TMEM33: variants seen among roughly 807,000 people sequenced by gnomAD.
The protein encoded by TMEM33 is transmembrane protein 33.
A neutral mutation model predicts 29.7 loss-of-function variants in TMEM33; 16 were observed. The observed-to-expected ratio is 0.54, with a 90% CI of 0.36 to 0.82. The LOEUF (loss-of-function observed/expected upper bound fraction) is 0.82. Among genes scored for constraint, TMEM33 ranks in the 40% least tolerant of loss-of-function variants. TMEM33 has a pLI of 0.00. For synonymous variants in TMEM33, 112 were observed against 109.4 expected (o/e 1.02, Z -0.15); for missense variants, 252 against 295.3 (o/e 0.85, Z 1.08).
At chr4:41,950,645 C>T (rs1170551269) in intron 6 of TMEM33, among the ~76,000 whole-genome samples, 3 of 151,978 alleles carry the variant, frequency 2.0e-5, no homozygotes, top group Admixed American at 6.6e-5. Flanking sequence ...TTTAGACATT[C>T]GTTCTTAGTG....
intron 6 of TMEM33, among the ~76,000 whole-genome samples, chr4:41,949,803 A>T (rs972280028): frequency 4.6e-5 from 7 of 152,174 alleles, no homozygotes; most frequent in African/African-American, 1.4e-4. Context: ...GGGAGAGATC[A>T]TTGGGCCAGA....
intron 6 of TMEM33, 76 bp downstream of exon 6, chr4:41,949,461 A>T: frequency 3.3e-6 from 4 of 1,203,082 alleles, no homozygotes; most frequent in Non-Finnish European, 4.7e-6. Context: ...AATTCTTAAG[A>T]GTTACTTAGC....
At chr4:41,935,320 ACCCTTCC>A, upstream of TMEM33, 4 of 759,610 alleles carry the variant, frequency 5.3e-6, no homozygotes, top group Non-Finnish European at 9.1e-6. Flanking sequence ...GGCGAGCGAG[ACCCTTCC>A]CTGGTGGAGG....
intron 2 of TMEM33, 55 bp from the exon 3 acceptor site, chr4:41,939,141 A>G (rs1018799695): frequency 1.4e-4 from 201 of 1,486,454 alleles, no homozygotes; most frequent in Non-Finnish European, 1.7e-4. Flanking sequence ...CAAAGGAGGA[A>G]GAGACACTGC....
intron 6 of TMEM33, among the ~76,000 whole-genome samples, chr4:41,952,895 TA>T (rs2153127974): frequency 6.6e-6 from 1 of 152,256 alleles, no homozygotes; most frequent in East Asian, 1.9e-4. Flanking sequence ...AGTGGGTGAA[TA>T]AATATAACTG....
intron 5 of TMEM33, among the ~76,000 whole-genome samples, 160 bp downstream of exon 5, chr4:41,945,086 A>G (rs547317211): frequency 1.3e-5 from 2 of 152,308 alleles, no homozygotes; most frequent in Non-Finnish European, 2.9e-5. Flanking sequence ...CATTTATAGT[A>G]GAGAACTTGA....
At chr4:41,947,889 C>T (rs1413636031) in intron 5 of TMEM33, among the ~76,000 whole-genome samples, 1 of 152,158 alleles carries the variant, frequency 6.6e-6, no homozygotes, top group Non-Finnish European at 1.5e-5. Context: ...TGTGCAAAGA[C>T]AGGTAAAAGG....
intron 5 of TMEM33, among the ~76,000 whole-genome samples, chr4:41,947,277 A>G (rs964777168): frequency 1.3e-5 from 2 of 151,496 alleles, no homozygotes; most frequent in South Asian, 4.2e-4. Flanking sequence ...GTTTTTTTGT[A>G]TGGGTATAAT....
At chr4:41,951,238 T>C (rs893335043) in intron 6 of TMEM33, among the ~76,000 whole-genome samples, 1 of 152,132 alleles carries the variant, frequency 6.6e-6, no homozygotes, top group East Asian at 1.9e-4. Flanking sequence ...TAAATAAAAT[T>C]CATAAAACTT....
chr4:41,945,679 A>G (rs1019306565), intron 5 of TMEM33, among the ~76,000 whole-genome samples: 2 of 152,060 alleles, frequency 1.3e-5, no homozygotes, highest in Non-Finnish European at 2.9e-5. Context: ...TACATCAAAG[A>G]TGTTATTCTG....
intron 6 of TMEM33, among the ~76,000 whole-genome samples, chr4:41,950,073 G>A (rs1408906202): frequency 6.6e-6 from 1 of 152,170 alleles, no homozygotes; most frequent in East Asian, 1.9e-4. Context: ...TATCTTTTAG[G>A]TGAATGGGAA....
rs150285681 is a variant in TMEM33, at chr4:41,954,081, A to G, written c.626A>G (p.Asn209Ser). The G allele has an allele frequency of 3.7e-6, 6 of 1,613,652 alleles. No individual in the cohort carries two copies. The South Asian group carries it at 4.4e-5, about 12-fold the overall frequency. Residue 209 changes from asparagine (N) to serine (S), a missense_variant, in exon 7 of 7, where the codon AAT becomes AGT. Coordinates refer to ENST00000504986, the MANE Select transcript of TMEM33 (RefSeq NM_018126.3). Reference sequence around the variant, plus strand: ...ATTTTGTCTTGCAGGACCTTATTTAATGAACTGAGGATTGTTGTTGAACAC... The same window carrying G: ...ATTTTGTCTTGCAGGACCTTATTTAGTGAACTGAGGATTGTTGTTGAACAC... ...RRNPYCRTLF[N>S]ELRIVVEHII... is the part of the protein sequence containing the mutation.
At chr4:41,937,973 C>T (rs990809271) in intron 1 of TMEM33, among the ~76,000 whole-genome samples, 1 of 152,058 alleles carries the variant, frequency 6.6e-6, no homozygotes, top group Admixed American at 6.6e-5. Flanking sequence ...AGGCAGGTGG[C>T]CATTTAATAC....
intron 4 of TMEM33, 26 bp downstream of exon 4, chr4:41,943,840 C>T: frequency 6.2e-7 from 1 of 1,600,756 alleles, no homozygotes. Flanking sequence ...CTTTGTCTGA[C>T]TTCTGAATTA....
chr4:41,942,902 G>A (rs1454192711), intron 3 of TMEM33, among the ~76,000 whole-genome samples: 2 of 152,164 alleles, frequency 1.3e-5, no homozygotes, highest in Admixed American at 6.5e-5. Context: ...GTGACAACTT[G>A]TTAGGTATAG....
chr4:41,944,103 TTTG>T (rs1450623219), intron 4 of TMEM33: 9 of 347,858 alleles, frequency 2.6e-5, no homozygotes, highest in Non-Finnish European at 4.7e-5. Context: ...GTCTCTAAAG[TTTG>T]TTGAGTTGTC....
chr4:41,943,250 C>T (rs1167269872), intron 3 of TMEM33, among the ~76,000 whole-genome samples: 3 of 152,102 alleles, frequency 2.0e-5, no homozygotes, highest in Admixed American at 6.5e-5. Flanking sequence ...ATTGGCCGGG[C>T]GCAGTGACTC....
chr4:41,958,700 C>CTTTTTTTTTTTTTTTTTTTTTTTT lies in TMEM33; in HGVS notation c.*4504_*4527dup, dbSNP rs750862386. 2 of 93,786 alleles carry CTTTTTTTTTTTTTTTTTTTTTTTT rather than the reference C, an allele frequency of 2.1e-5. No individual in the cohort carries two copies. The highest frequency in any genetic ancestry group is 1.0e-4 in the Admixed American group (1 of 9,620). The allele number at this position is 93,786 out of a possible 1,614,324, so 5.8% of individuals were successfully genotyped here. ...GTAGAGACAACTAGTTTCTCTCGCT[C>CTTTTTTTTTTTTTTTTTTTTTTTT]TTTTTTTTTTTTTTTTTTTTTTTTT... On this transcript the variant is annotated 3_prime_UTR_variant, in exon 7 of 7. Coordinates refer to ENST00000504986, the MANE Select transcript of TMEM33 (RefSeq NM_018126.3).
Position 41,937,994 on chromosome 4 carries a change from C to A in TMEM33, c.46-608C>A, listed in dbSNP as rs1712325877. 2.6e-5 allele frequency among the ~76,000 whole-genome samples: 4 copies of A among 152,170 alleles called. No homozygotes were observed. In the South Asian group the frequency reaches 8.3e-4, roughly 32 times the overall value. ...GTGGCCATTTAATACCTGTCAGCCACATTTTGAGCACCTAGAGTATGCCAG... is the reference window on the plus strand; with the variant it reads ...GTGGCCATTTAATACCTGTCAGCCAAATTTTGAGCACCTAGAGTATGCCAG... On this transcript the variant is annotated intron_variant, in intron 1 of 6. Coordinates refer to ENST00000504986, the MANE Select transcript of TMEM33 (RefSeq NM_018126.3).
Sources: gnomAD v4.1 joint callset for allele counts (sites outside exome capture counted in the v4.1 genomes callset) on GRCh38, gnomAD v4.1.1 for gene constraint, MANE v1.5 for transcripts, NCBI Gene and HGNC (gene_info 2026-07-23, HGNC 2026-07-21) for gene names.